The following AFG2A variants were observed in gnomAD, a reference collection of about 807,000 sequenced individuals.
AFG2A encodes the protein AAA ATPase AFG2A, also known as ATPase family gene 2 protein homolog A.
chr4:123,153,930 A>G, the AFG2A span, among the ~76,000 whole-genome samples: 1 of 152,216 alleles, frequency 6.6e-6, no homozygotes, highest in Non-Finnish European at 1.5e-5. Context: ...GTTCTTAAAG[A>G]AAAAACTGTT....
chr4:123,209,527 A>G, the AFG2A span, among the ~76,000 whole-genome samples: 2 of 151,470 alleles, frequency 1.3e-5, no homozygotes, highest in East Asian at 3.9e-4. Context: ...AGGTGGCCCT[A>G]TGAACTGCGT....
chr4:123,017,087 G>C, the AFG2A span, among the ~76,000 whole-genome samples: 23 of 151,410 alleles, frequency 1.5e-4, no homozygotes, highest in East Asian at 2.0e-3. Flanking sequence ...GTCCAGCTTC[G>C]GCTCGGCATC....
the AFG2A span, among the ~76,000 whole-genome samples, chr4:123,297,766 G>A: frequency 6.6e-6 from 1 of 151,742 alleles, no homozygotes. Flanking sequence ...GAAACAAGCA[G>A]CCCCATTGCA....
At chr4:123,059,846 C>G in the AFG2A span, among the ~76,000 whole-genome samples, 5 of 152,092 alleles carry the variant, frequency 3.3e-5, no homozygotes, top group Non-Finnish European at 7.4e-5. Flanking sequence ...GATCGCCATT[C>G]TAACTGGTGT....
chr4:123,259,018 C>A, the AFG2A span, among the ~76,000 whole-genome samples: 1,903 of 152,098 alleles, frequency 0.013, 50 homozygotes, highest in African/African-American at 0.044. Context: ...AGGCACCCAC[C>A]ACCACGCCCA....
the AFG2A span, among the ~76,000 whole-genome samples, chr4:123,198,410 T>G: frequency 6.6e-6 from 1 of 152,150 alleles, no homozygotes; most frequent in Non-Finnish European, 1.5e-5. Context: ...CACAAATTCG[T>G]ATGCATTTGT....
At chr4:123,040,534 T>G in the AFG2A span, among the ~76,000 whole-genome samples, 1 of 152,234 alleles carries the variant, frequency 6.6e-6, no homozygotes, top group South Asian at 2.1e-4. Context: ...TTCGTCTTTT[T>G]AGATCCCACA....
chr4:123,121,490 T>C, the AFG2A span, among the ~76,000 whole-genome samples: 4 of 152,214 alleles, frequency 2.6e-5, no homozygotes, highest in East Asian at 7.7e-4. Flanking sequence ...TGCTGGTAAG[T>C]GCCCTATACA....
At chr4:122,986,766 TAAAA>T in the AFG2A span, among the ~76,000 whole-genome samples, 1 of 152,030 alleles carries the variant, frequency 6.6e-6, no homozygotes, top group Non-Finnish European at 1.5e-5. Flanking sequence ...TACTAATAAT[TAAAA>T]AAAGAGAAAA....
the AFG2A span, among the ~76,000 whole-genome samples, chr4:122,980,496 T>G: frequency 1.3e-5 from 2 of 152,128 alleles, no homozygotes; most frequent in African/African-American, 4.8e-5. Context: ...TTGAGATACT[T>G]CATTTCCTTT....
At chr4:123,293,979 T>TA in the AFG2A span, among the ~76,000 whole-genome samples, 4 of 152,186 alleles carry the variant, frequency 2.6e-5, no homozygotes, top group African/African-American at 7.2e-5. Flanking sequence ...TAACACTCCA[T>TA]TTGGGCTATG....
At chr4:123,246,775 A>G in the AFG2A span, among the ~76,000 whole-genome samples, 1 of 152,222 alleles carries the variant, frequency 6.6e-6, no homozygotes, top group African/African-American at 2.4e-5. Flanking sequence ...TGACCACAGT[A>G]AACCTTTTCG....
chr4:123,034,066 C>A, the AFG2A span, among the ~76,000 whole-genome samples: 1 of 151,858 alleles, frequency 6.6e-6, no homozygotes, highest in African/African-American at 2.4e-5. Context: ...ATGCTTTGAA[C>A]AACACATTTT....
At chr4:123,126,301 T>A in the AFG2A span, among the ~76,000 whole-genome samples, 6 of 152,212 alleles carry the variant, frequency 3.9e-5, no homozygotes, top group African/African-American at 1.4e-4. Flanking sequence ...TTTCCATGAA[T>A]TTTTTATTTT....
At chr4:123,143,051 T>C in the AFG2A span, among the ~76,000 whole-genome samples, 1 of 152,012 alleles carries the variant, frequency 6.6e-6, no homozygotes, top group African/African-American at 2.4e-5. Context: ...AGGTTTGGGA[T>C]GCTCAACCCT....
At chr4:123,207,480 A>T in the AFG2A span, among the ~76,000 whole-genome samples, 8 of 151,796 alleles carry the variant, frequency 5.3e-5, no homozygotes, top group Non-Finnish European at 7.4e-5. Context: ...CACCCAGCTA[A>T]TTTTTGGTTT....
the AFG2A span, among the ~76,000 whole-genome samples, chr4:123,133,559 A>T: frequency 1.3e-5 from 2 of 150,954 alleles, no homozygotes; most frequent in Non-Finnish European, 1.5e-5. Flanking sequence ...TTTTTGTTTG[A>T]GTTTGACACA....
the AFG2A span, among the ~76,000 whole-genome samples, chr4:123,159,634 G>A: frequency 1.5e-3 from 233 of 152,296 alleles, no homozygotes; most frequent in Non-Finnish European, 2.4e-3. Flanking sequence ...TGCATAGCAT[G>A]TAGAGCCTGG....
At chr4:123,225,323 C>G in the AFG2A span, among the ~76,000 whole-genome samples, 4 of 152,164 alleles carry the variant, frequency 2.6e-5, no homozygotes, top group East Asian at 7.7e-4. Context: ...AGGTTTTCCT[C>G]TAGGGTTTTT....
Sources: gnomAD v4.1 joint callset for allele counts (sites outside exome capture counted in the v4.1 genomes callset) on GRCh38, gnomAD v4.1.1 for gene constraint, MANE v1.5 for transcripts, NCBI Gene and HGNC (gene_info 2026-07-23, HGNC 2026-07-21) for gene names.